ITGA4: variants seen among roughly 807,000 people sequenced by gnomAD.
ITGA4 encodes the protein integrin alpha-4.
ITGA4 carries 63 observed loss-of-function variants against 133.6 expected under a neutral mutation model. The ratio of observed to expected loss-of-function variants is 0.47; its 90% confidence interval spans 0.38 to 0.58. ITGA4 has a LOEUF of 0.58. Ranked by LOEUF, ITGA4 falls within the 20% of genes least tolerant of loss-of-function variation. The pLI, the probability that ITGA4 is intolerant of heterozygous loss-of-function variation, is 0.00. For synonymous variants in ITGA4, 483 were observed against 438.0 expected, an observed-to-expected ratio of 1.10 and a Z score of -1.28; for missense variants, 1,076 against 1,252.7, an observed-to-expected ratio of 0.86 and a Z score of 2.13.
chr2:181,531,277 G>A (rs552122573), intron 24 of ITGA4, among the ~76,000 whole-genome samples: 1 of 152,104 alleles, frequency 6.6e-6, no homozygotes, highest in African/African-American at 2.4e-5. Flanking sequence ...TCAGCTTAGT[G>A]AATGTATGAA....
At chr2:181,492,535 A>G (rs535841596) in intron 10 of ITGA4, among the ~76,000 whole-genome samples, 1 of 121,892 alleles carries the variant, frequency 8.2e-6, no homozygotes, top group South Asian at 3.5e-4. Flanking sequence ...TAAAATAATG[A>G]AATGCTCTTG....
intron 17 of ITGA4, among the ~76,000 whole-genome samples, chr2:181,520,014 TC>T (rs1183159484): frequency 6.6e-6 from 1 of 152,136 alleles, no homozygotes; most frequent in Non-Finnish European, 1.5e-5. Flanking sequence ...TGAATCACGA[TC>T]CAGCATCTTC....
At chr2:181,531,585 C>A in intron 24 of ITGA4, 72 bp from the exon 25 acceptor site, 1 of 780,174 alleles carries the variant, frequency 1.3e-6, no homozygotes, top group Non-Finnish European at 1.9e-6. Flanking sequence ...ATATTAAATT[C>A]TATATAAAAT....
At chr2:181,470,111 G>A (rs1685513269) in intron 2 of ITGA4, among the ~76,000 whole-genome samples, 1 of 151,908 alleles carries the variant, frequency 6.6e-6, no homozygotes, top group African/African-American at 2.4e-5. Context: ...GGAAAAATGG[G>A]GAACCCTTGC....
chr2:181,486,132 A>T lies in ITGA4; in HGVS notation c.1153+140A>T, dbSNP rs571468967. ...GCATGCTAAGTTTTTTCTTTTCTTTAGTGTTATATATGACTTCTCCTCAAT... is the reference window on the plus strand; with the variant it reads ...GCATGCTAAGTTTTTTCTTTTCTTTTGTGTTATATATGACTTCTCCTCAAT... On this transcript the variant is annotated intron_variant, in intron 10 of 27. Coordinates refer to ENST00000397033, the MANE Select transcript of ITGA4 (RefSeq NM_000885.6). 5.6e-6 allele frequency: 6 copies of T among 1,075,718 alleles called. No homozygotes were observed. In the African/African-American group the frequency reaches 6.5e-5, roughly 12 times the overall value. The allele number at this position is 1,075,718 out of a possible 1,614,324, so 66.6% of individuals were successfully genotyped here.
intron 6 of ITGA4, 61 bp downstream of exon 6, chr2:181,480,327 A>T: frequency 2.3e-6 from 2 of 880,228 alleles, no homozygotes; most frequent in Non-Finnish European, 3.2e-6. Context: ...TACTGTAATT[A>T]TAAATAAGGA....
chr2:181,496,047 C>A, intron 14 of ITGA4, 110 bp downstream of exon 14: 2 of 1,116,530 alleles, frequency 1.8e-6, no homozygotes, highest in Non-Finnish European at 2.6e-6. Flanking sequence ...TTCTTTAGAG[C>A]GGGGGAGAGA....
chr2:181,467,663 A>G (rs775146645), intron 2 of ITGA4, among the ~76,000 whole-genome samples: 14 of 152,120 alleles, frequency 9.2e-5, no homozygotes, highest in Non-Finnish European at 1.8e-4. Flanking sequence ...CTGTGGGCAT[A>G]TTTGCTATAT....
intron 17 of ITGA4, among the ~76,000 whole-genome samples, chr2:181,519,850 C>CAGAA (rs200520777): frequency 0.025 from 3,759 of 152,234 alleles, 79 homozygotes; most frequent in Non-Finnish European, 0.04. Flanking sequence ...CTTTCATAGA[C>CAGAA]TTCTAACAGT....
intron 15 of ITGA4, among the ~76,000 whole-genome samples, chr2:181,500,074 C>T (rs1686238179): frequency 2.0e-5 from 3 of 152,194 alleles, no homozygotes; most frequent in African/African-American, 7.2e-5. Flanking sequence ...TTGATGGTAG[C>T]AGGATTCAGC....
At chr2:181,509,999 A>G (rs1686476164) in intron 16 of ITGA4, 192 bp downstream of exon 16, 3 of 474,860 alleles carry the variant, frequency 6.3e-6, no homozygotes, top group Admixed American at 7.3e-5. Context: ...ATATTTTAAA[A>G]TATGCATTTA....
chr2:181,475,021 G>A lies in ITGA4; in HGVS notation c.381G>A (p.Leu127=). ...TCLEERDNQW[L]GVTLSRQPGE... The stretch of plus-strand genomic sequence containing the variant: ...TGGAAGAGAGAGACAATCAGTGGTT[G>A]GGGGTCACACTTTCCAGACAGCCAG... Residue 127 remains leucine, a synonymous_variant, in exon 3 of 28, where the codon TTG becomes TTA. Transcript: ENST00000397033. 1 of 1,614,068 alleles carries A rather than the reference G, an allele frequency of 6.2e-7. No homozygotes were observed. The highest frequency in any genetic ancestry group is 1.1e-5 in the South Asian group (1 of 91,074).
chr2:181,521,308 A>C (rs1686716307), intron 17 of ITGA4, among the ~76,000 whole-genome samples: 1 of 152,178 alleles, frequency 6.6e-6, no homozygotes, highest in Non-Finnish European at 1.5e-5. Flanking sequence ...AACTGTAGAA[A>C]TTTGCAATTG....
At chr2:181,520,932 C>T (rs62191451) in intron 17 of ITGA4, among the ~76,000 whole-genome samples, 38,369 of 152,086 alleles carry the variant, frequency 0.25, 5,309 homozygotes, top group Non-Finnish European at 0.31. Flanking sequence ...TCCTTACATA[C>T]TCTGTCTTTA....
rs1426536374 is a variant in ITGA4, at chr2:181,529,600, T to C, written c.2490T>C (p.Asn830=). 1.9e-6 allele frequency: 3 copies of C among 1,610,174 alleles called. No individual in the cohort carries two copies. The highest frequency in any genetic ancestry group is 2.5e-6 in the Non-Finnish European group (3 of 1,176,828). Residue 830 remains asparagine (N), a synonymous_variant, in exon 23 of 28, where the codon AAT becomes AAC. Transcript: ENST00000397033. The part of the protein sequence containing the change: ...PNVSVEIMVP[N]SFSPQTDKLF... ...TTAGTGTGGAAATAATGGTACCAAA[T>C]TCTTTTAGCCCCCAAACTGATAAGC...
intron 10 of ITGA4, among the ~76,000 whole-genome samples, chr2:181,489,908 T>TG (rs1686007565): frequency 2.0e-5 from 3 of 152,194 alleles, no homozygotes; most frequent in East Asian, 1.9e-4. Flanking sequence ...GTTTATTTGG[T>TG]GGGGGGCATC....
intron 11 of ITGA4, among the ~76,000 whole-genome samples, chr2:181,493,824 G>GT (rs893301029): frequency 2.0e-5 from 3 of 152,070 alleles, no homozygotes; most frequent in Non-Finnish European, 2.9e-5. Context: ...GATTCTCTGG[G>GT]TTTTTTTCAC....
intron 21 of ITGA4, among the ~76,000 whole-genome samples, chr2:181,526,602 A>G (rs3770106): frequency 0.099 from 15,029 of 152,086 alleles, 1,007 homozygotes; most frequent in East Asian, 0.22. Context: ...ATGAGATGGG[A>G]AGAAATAATT....
chr2:181,479,470 C>G lies in ITGA4; in HGVS notation c.624+646C>G, dbSNP rs182958704. 5 of 138,540 alleles carry G rather than the reference C, an allele frequency of 3.6e-5. No homozygotes were observed. The East Asian group carries it at 8.4e-4, about 23-fold the overall frequency. 8.6% of individuals were successfully genotyped at this position (138,540 alleles called of 1,614,324 possible). On this transcript the variant is annotated intron_variant, in intron 5 of 27. Coordinates refer to ENST00000397033, the MANE Select transcript of ITGA4 (RefSeq NM_000885.6). ...ATTAACAGTTATATTAAAATGCTTA[C>G]AAAGAAAATGCTTTCTTCAGTTTAA...
Sources: allele counts gnomAD v4.1 joint callset (sites outside exome capture counted in the v4.1 genomes callset), GRCh38; gene constraint gnomAD v4.1.1; transcripts MANE v1.5; gene names NCBI Gene and HGNC (gene_info 2026-07-23, HGNC 2026-07-21).